The following PLXNA4 variants were observed in gnomAD, a reference collection of about 807,000 sequenced individuals.
The protein encoded by PLXNA4 is plexin A4, also known as plexin-A4.
A neutral mutation model predicts 191.8 loss-of-function variants in PLXNA4; 44 were observed. That is an observed-to-expected ratio of 0.23 (90% CI 0.18 to 0.29). PLXNA4 has a LOEUF of 0.29. PLXNA4 is among the 10% of genes least tolerant of loss of function. The pLI, the probability that PLXNA4 is intolerant of heterozygous loss-of-function variation, is 1.00. For missense variants in PLXNA4, 1,800 were observed against 2,488.8 expected (o/e 0.72, Z 5.89); for synonymous variants, 1,082 against 1,009.5 (o/e 1.07, Z -1.36).
intron 3 of PLXNA4, among the ~76,000 whole-genome samples, chr7:132,367,250 C>T (rs534478343): frequency 6.6e-6 from 1 of 152,320 alleles, no homozygotes; most frequent in East Asian, 1.9e-4. Flanking sequence ...CTGGGCTGGG[C>T]TGTGGTGGCC....
chr7:132,560,460 T>A (rs1412272968), intron 1 of PLXNA4, among the ~76,000 whole-genome samples: 1 of 152,036 alleles, frequency 6.6e-6, no homozygotes, highest in Non-Finnish European at 1.5e-5. Flanking sequence ...AATGCAAGAA[T>A]CTCTAGGTGG....
In PLXNA4 at chr7:132,499,596, G is replaced by T. The variant is rs553413236; in HGVS notation, c.1188+7910C>A. 5.3e-4 allele frequency among the ~76,000 whole-genome samples: 81 copies of T among 152,312 alleles called. 1 individual carries two copies. The highest frequency in any genetic ancestry group is 1.2e-3 in the East Asian group (6 of 5,176). ...GCAGGCAGACTCAGCAGCCACAAGGGCTGTCATTGAAGTGAGAAATACCAT... is the reference window on the plus strand; with the variant it reads ...GCAGGCAGACTCAGCAGCCACAAGGTCTGTCATTGAAGTGAGAAATACCAT... On this transcript the variant is annotated intron_variant, in intron 2 of 31. Coordinates refer to ENST00000321063, the MANE Select transcript of PLXNA4 (RefSeq NM_020911.2).
chr7:132,619,293 C>T (rs1803214686), intron 2 of PLXNA4, among the ~76,000 whole-genome samples: 5 of 152,134 alleles, frequency 3.3e-5, no homozygotes. Context: ...TACAAATCAA[C>T]AATTTTATAT....
chr7:132,385,416 T>A, intron 3 of PLXNA4: 1 of 1,318,584 alleles, frequency 7.6e-7, no homozygotes, highest in Non-Finnish European at 1.0e-6. Flanking sequence ...TGAAATACAG[T>A]AAATATGTAT....
intron 30 of PLXNA4, among the ~76,000 whole-genome samples, chr7:132,135,259 C>T (rs1795078729): frequency 6.6e-6 from 1 of 152,214 alleles, no homozygotes; most frequent in Non-Finnish European, 1.5e-5. Context: ...AGCCACGCAA[C>T]TCTGGTAACT....
At chr7:132,366,528 A>G (rs772317535) in intron 3 of PLXNA4, among the ~76,000 whole-genome samples, 10 of 148,858 alleles carry the variant, frequency 6.7e-5, no homozygotes, top group Admixed American at 3.4e-4. Context: ...TGTCTCAATT[A>G]AAAAAAAAAG....
intron 3 of PLXNA4, among the ~76,000 whole-genome samples, chr7:132,341,325 T>TTTTTTGTAC (rs1803018708): frequency 6.6e-6 from 1 of 152,140 alleles, no homozygotes; most frequent in African/African-American, 2.4e-5. Context: ...CAGCACACTA[T>TTTTTTGTAC]AATTTTATGT....
At chr7:132,338,590 C>G (rs1271621953) in intron 3 of PLXNA4, among the ~76,000 whole-genome samples, 4 of 152,214 alleles carry the variant, frequency 2.6e-5, no homozygotes, top group Non-Finnish European at 4.4e-5. Flanking sequence ...TTTCACCCTT[C>G]AAATCATATG....
chr7:132,312,857 T>C (rs1801798299), intron 3 of PLXNA4, among the ~76,000 whole-genome samples: 1 of 152,222 alleles, frequency 6.6e-6, no homozygotes, highest in African/African-American at 2.4e-5. Flanking sequence ...TAATCACAGC[T>C]AAACTACAGT....
At position 132,179,821 on chromosome 7, in the gene PLXNA4, C is replaced by T; in HGVS notation, c.3740G>A (p.Gly1247Asp). 6.2e-7 allele frequency: 1 copy of T among 1,612,754 alleles called. No homozygotes were observed. Residue 1247 changes from glycine to aspartate, a missense_variant, in exon 20 of 32, where the codon GGC (glycine) becomes GAC (aspartate). Physicochemically the swap from Gly to Asp is moderately conservative, Grantham distance 94 (BLOSUM62 -1). Transcript: ENST00000321063. The stretch of plus-strand genomic sequence containing the variant: ...GGCCACGATGAAAATGATGAGGAGG[C>T]CGCCAGCCACTGCGATGCTGACGAT... ...PAIVSIAVAG[G>D]LLIIFIVAVL... is the part of the protein sequence containing the mutation.
chr7:132,191,354 G>A (rs139297139), intron 14 of PLXNA4, among the ~76,000 whole-genome samples: 1 of 152,294 alleles, frequency 6.6e-6, no homozygotes, highest in African/African-American at 2.4e-5. Flanking sequence ...TAGGCCTAGG[G>A]GATGGATCAC....
chr7:132,145,099 C>A lies in PLXNA4; in HGVS notation c.5225+20G>T. 1 of 1,613,822 alleles carries A rather than the reference C, an allele frequency of 6.2e-7. No individual in the cohort carries two copies. Among genetic ancestry groups the A allele is most frequent in the Non-Finnish European group, 8.5e-7 (1 of 1,179,946 alleles). ...TGGGCTCAGGGCTCCCGATGTGCCC[C>A]CTGCCCTCCCTTCACTCACCAATTG... On this transcript the variant is annotated intron_variant, in intron 29 of 31. Transcript: ENST00000321063.
At chr7:132,269,672 T>C (rs530530132) in intron 4 of PLXNA4, among the ~76,000 whole-genome samples, 8 of 152,268 alleles carry the variant, frequency 5.3e-5, no homozygotes, top group African/African-American at 1.9e-4. Context: ...ATCTTTTTTT[T>C]TTTCTGCCAA....
At chr7:132,187,672 G>T (rs990843335) in intron 14 of PLXNA4, 65 bp from the exon 15 acceptor site, 19 of 1,523,388 alleles carry the variant, frequency 1.2e-5, no homozygotes, top group Admixed American at 1.2e-4. Context: ...CTGGGCAGGC[G>T]TGAGGCAGCA....
chr7:132,262,534 G>C (rs1251675572), intron 4 of PLXNA4, among the ~76,000 whole-genome samples: 1 of 152,166 alleles, frequency 6.6e-6, no homozygotes, highest in Admixed American at 6.5e-5. Flanking sequence ...AGGTAGGAAA[G>C]AGTTGGTGGC....
At chr7:132,270,754 A>G (rs1800036557) in intron 4 of PLXNA4, among the ~76,000 whole-genome samples, 1 of 152,262 alleles carries the variant, frequency 6.6e-6, no homozygotes, top group Non-Finnish European at 1.5e-5. Context: ...ACAGAACCAA[A>G]GAATTTTATC....
At chr7:132,271,989 G>A (rs1800093520) in intron 4 of PLXNA4, among the ~76,000 whole-genome samples, 1 of 152,188 alleles carries the variant, frequency 6.6e-6, no homozygotes, top group Non-Finnish European at 1.5e-5. Flanking sequence ...AATTTGGACA[G>A]AAAGTCCCAT....
chr7:132,258,006 G>A (rs548207730), intron 4 of PLXNA4, among the ~76,000 whole-genome samples: 2 of 152,362 alleles, frequency 1.3e-5, no homozygotes, highest in South Asian at 2.1e-4. Flanking sequence ...GATGGAGGGT[G>A]TAGCTGGAAA....
intron 2 of PLXNA4, among the ~76,000 whole-genome samples, chr7:132,633,010 C>T (rs1016254786): frequency 2.0e-5 from 3 of 152,122 alleles, no homozygotes; most frequent in African/African-American, 7.2e-5. Context: ...GGGAACATCA[C>T]AAGGAGCGAA....
Sources: allele counts gnomAD v4.1 joint callset (sites outside exome capture counted in the v4.1 genomes callset), GRCh38; gene constraint gnomAD v4.1.1; transcripts MANE v1.5; gene names NCBI Gene and HGNC (gene_info 2026-07-23, HGNC 2026-07-21).